Variants in CMSS1 observed in about 807,000 individuals in gnomAD.
CMSS1 encodes protein CMSS1.
Under a neutral mutation model 43.5 loss-of-function variants are expected in CMSS1, and 33 were observed. That is an observed-to-expected ratio of 0.76 (90% CI 0.57 to 1.01). The LOEUF is 1.01. CMSS1 is among the 50% of genes least tolerant of loss of function. The probability of loss-of-function intolerance (pLI) is 0.00; values close to 1 mark genes in which losing one functional copy is unlikely to be tolerated. For synonymous variants in CMSS1, 115 were observed against 117.2 expected (o/e 0.98, Z 0.12); for missense variants, 313 against 326.4 (o/e 0.96, Z 0.32).
intron 1 of CMSS1, among the ~76,000 whole-genome samples, chr3:99,929,297 G>C (rs1367102382): frequency 6.6e-6 from 1 of 152,162 alleles, no homozygotes; most frequent in Non-Finnish European, 1.5e-5. Flanking sequence ...GTGAGGGAAA[G>C]GTCTTTGCTG....
chr3:99,914,055 C>G (rs1384032715), intron 1 of CMSS1, among the ~76,000 whole-genome samples: 1 of 152,148 alleles, frequency 6.6e-6, no homozygotes, highest in Non-Finnish European at 1.5e-5. Flanking sequence ...TCCAAACTAA[C>G]TGAATTTAAA....
At chr3:99,976,055 T>G (rs1389514731) in intron 1 of CMSS1, among the ~76,000 whole-genome samples, 1 of 152,166 alleles carries the variant, frequency 6.6e-6, no homozygotes, top group African/African-American at 2.4e-5. Context: ...CAGCTAATTT[T>G]TGTATTTTTA....
At chr3:99,879,384 T>C (rs1426066477) in intron 1 of CMSS1, among the ~76,000 whole-genome samples, 1 of 152,188 alleles carries the variant, frequency 6.6e-6, no homozygotes, top group African/African-American at 2.4e-5. Flanking sequence ...ACAGGTGTTA[T>C]TAGTGAAGTC....
At chr3:100,148,969 G>A (rs2066879066) in intron 2 of CMSS1, among the ~76,000 whole-genome samples, 1 of 152,024 alleles carries the variant, frequency 6.6e-6, no homozygotes, top group African/African-American at 2.4e-5. Flanking sequence ...CCTCAAGGTG[G>A]GGTTTAATTT....
chr3:100,115,737 A>G (rs1008222188), intron 1 of CMSS1, among the ~76,000 whole-genome samples: 1 of 152,104 alleles, frequency 6.6e-6, no homozygotes, highest in Non-Finnish European at 1.5e-5. Flanking sequence ...AAATGTAAGT[A>G]TACTCTTCTA....
At chr3:100,051,877 A>C (rs1356420329) in intron 1 of CMSS1, among the ~76,000 whole-genome samples, 1 of 148,590 alleles carries the variant, frequency 6.7e-6, no homozygotes, top group Non-Finnish European at 1.5e-5. Flanking sequence ...AATTTAATGT[A>C]ATATATTTTA....
intron 1 of CMSS1, among the ~76,000 whole-genome samples, chr3:100,043,365 A>G (rs1463838196): frequency 2.0e-5 from 3 of 152,114 alleles, no homozygotes; most frequent in Non-Finnish European, 4.4e-5. Context: ...GCTATATTAA[A>G]TATTTGTTTC....
chr3:100,049,365 C>T (rs188392985), intron 1 of CMSS1, among the ~76,000 whole-genome samples: 52 of 152,176 alleles, frequency 3.4e-4, no homozygotes, highest in African/African-American at 1.2e-3. Flanking sequence ...TTACCAAAGT[C>T]GATGAAGGAT....
intron 1 of CMSS1, among the ~76,000 whole-genome samples, chr3:99,916,174 G>T (rs1259980570): frequency 2.6e-5 from 4 of 152,138 alleles, no homozygotes; most frequent in Non-Finnish European, 5.9e-5. Context: ...GCAATCTGTT[G>T]AGAGCCAGAA....
At chr3:99,998,036 C>A (rs1001192541) in intron 1 of CMSS1, among the ~76,000 whole-genome samples, 75 of 152,160 alleles carry the variant, frequency 4.9e-4, no homozygotes, top group African/African-American at 1.8e-3. Flanking sequence ...GTGTGGAAAA[C>A]TTGTGGAAAC....
At chr3:99,848,590 T>C (rs778243256) in intron 1 of CMSS1, 2 of 1,614,106 alleles carry the variant, frequency 1.2e-6, no homozygotes, top group African/African-American at 2.7e-5. Context: ...GAATATCGCA[T>C]GCTTGGCACT....
rs2067171278 is a variant in CMSS1, at chr3:100,179,348, T to A, written c.*960T>A. 6.6e-6 allele frequency: 1 copy of A among 152,184 alleles called. No homozygotes were observed. The allele number at this position is 152,184 out of a possible 1,614,324, so 9.4% of individuals were successfully genotyped here. A position where few individuals can be genotyped will look rare whatever the true frequency, so the allele number is the denominator to read the frequency against. On this transcript the variant is annotated 3_prime_UTR_variant, in exon 10 of 10. Transcript: ENST00000421999. ...TTAACTGAAAAGTCCAACTCCAAAG[T>A]CTGATCTGAGACAAGGCAACTTCCT...
At chr3:99,820,900 T>A (rs148270354) in intron 1 of CMSS1, among the ~76,000 whole-genome samples, 302 of 152,352 alleles carry the variant, frequency 2.0e-3, no homozygotes, top group African/African-American at 6.8e-3. Flanking sequence ...GTTGTATTGG[T>A]GCTTTTATTC....
chr3:100,038,286 T>A (rs2065144566), intron 1 of CMSS1, among the ~76,000 whole-genome samples: 1 of 152,148 alleles, frequency 6.6e-6, no homozygotes, highest in African/African-American at 2.4e-5. Context: ...ATATAACTCT[T>A]ACAGAAATAA....
intron 1 of CMSS1, among the ~76,000 whole-genome samples, chr3:99,886,748 G>T (rs1705912437): frequency 6.6e-6 from 1 of 151,900 alleles, no homozygotes; most frequent in Non-Finnish European, 1.5e-5. Context: ...GAGGTTAGGA[G>T]TTCGAGACCA....
At chr3:99,948,776 GAGAA>G (rs1396632502) in intron 1 of CMSS1, among the ~76,000 whole-genome samples, 2 of 149,728 alleles carry the variant, frequency 1.3e-5, no homozygotes, top group South Asian at 2.1e-4. Flanking sequence ...GAAAGAAAAA[GAGAA>G]AGGAAAGAAA....
At chr3:99,865,755 A>T (rs1944480563) in intron 1 of CMSS1, among the ~76,000 whole-genome samples, 1 of 149,676 alleles carries the variant, frequency 6.7e-6, no homozygotes, top group Middle Eastern at 3.5e-3. Flanking sequence ...CATAATAATA[A>T]ATATATATAT....
chr3:100,095,295 C>T (rs2066185488), intron 1 of CMSS1, among the ~76,000 whole-genome samples: 1 of 151,992 alleles, frequency 6.6e-6, no homozygotes, highest in African/African-American at 2.4e-5. Context: ...GTTAGAATTC[C>T]ATTAACACTA....
intron 1 of CMSS1, among the ~76,000 whole-genome samples, chr3:99,927,486 C>T (rs946346871): frequency 4.6e-5 from 7 of 151,930 alleles, no homozygotes; most frequent in Admixed American, 4.6e-4. Context: ...TCACCTGCCT[C>T]AGCCTCCCAA....
Sources: allele counts gnomAD v4.1 joint callset (sites outside exome capture counted in the v4.1 genomes callset), GRCh38; gene constraint gnomAD v4.1.1; transcripts MANE v1.5; gene names NCBI Gene and HGNC (gene_info 2026-07-23, HGNC 2026-07-21).